The following NWD2 variants were observed in gnomAD, a reference collection of about 807,000 sequenced individuals.
NWD2 encodes the protein NACHT and WD repeat domain-containing protein 2.
A neutral mutation model predicts 132.7 loss-of-function variants in NWD2; 37 were observed. That is an observed-to-expected ratio of 0.28 (90% confidence interval 0.21 to 0.37). The LOEUF is 0.37. Ranked by LOEUF, NWD2 falls within the 10% of genes least tolerant of loss-of-function variation. The pLI is 1.00. For synonymous variants in NWD2, 705 were observed against 803.0 expected (o/e 0.88, Z 2.06); for missense variants, 1,592 against 2,122.4 (o/e 0.75, Z 4.91).
chr4:37,397,421 A>C (rs973929893), intron 3 of NWD2, among the ~76,000 whole-genome samples: 2 of 152,188 alleles, frequency 1.3e-5, no homozygotes, highest in African/African-American at 2.4e-5. Flanking sequence ...ACCCTCCATC[A>C]TGTGGATGGG....
At chr4:37,340,679 G>A (rs1719502268) in intron 2 of NWD2, among the ~76,000 whole-genome samples, 1 of 152,188 alleles carries the variant, frequency 6.6e-6, no homozygotes, top group African/African-American at 2.4e-5. Flanking sequence ...GGCAGTGGGA[G>A]ATGGCTAGGT....
At chr4:37,277,309 T>C (rs1226741558) in intron 1 of NWD2, among the ~76,000 whole-genome samples, 2 of 152,042 alleles carry the variant, frequency 1.3e-5, no homozygotes, top group African/African-American at 2.4e-5. Flanking sequence ...CACAAATTAA[T>C]TTTTCATCAA....
chr4:37,319,011 G>C (rs1320862894), intron 1 of NWD2, among the ~76,000 whole-genome samples: 1 of 152,044 alleles, frequency 6.6e-6, no homozygotes, highest in Non-Finnish European at 1.5e-5. Context: ...GGGATTGCTG[G>C]GTCAAATGGT....
chr4:37,253,004 C>T (rs940099642), intron 1 of NWD2, among the ~76,000 whole-genome samples: 1 of 142,562 alleles, frequency 7.0e-6, no homozygotes, highest in Admixed American at 6.8e-5. Flanking sequence ...TACCACAACC[C>T]CCCCCCCTTA....
chr4:37,256,384 A>T (rs1007916308), intron 1 of NWD2, among the ~76,000 whole-genome samples: 1 of 152,252 alleles, frequency 6.6e-6, no homozygotes, highest in African/African-American at 2.4e-5. Flanking sequence ...TGGTAAAATC[A>T]CAGCTTTCTA....
chr4:37,296,011 A>C (rs1057347293), intron 1 of NWD2, among the ~76,000 whole-genome samples: 3 of 152,224 alleles, frequency 2.0e-5, no homozygotes, highest in Non-Finnish European at 4.4e-5. Context: ...GTAAAATTTG[A>C]GTCCCCTGAC....
At chr4:37,369,477 A>C (rs944418330) in intron 3 of NWD2, among the ~76,000 whole-genome samples, 26 of 152,196 alleles carry the variant, frequency 1.7e-4, no homozygotes, top group Admixed American at 2.6e-4. Flanking sequence ...AAGTGAGAAC[A>C]TGTGGTATTT....
At chr4:37,270,911 G>T (rs533582456) in intron 1 of NWD2, among the ~76,000 whole-genome samples, 2 of 151,854 alleles carry the variant, frequency 1.3e-5, no homozygotes, top group South Asian at 4.1e-4. Flanking sequence ...AGTTTGAGTG[G>T]ATTTTTGCAT....
intron 1 of NWD2, among the ~76,000 whole-genome samples, chr4:37,310,493 A>T (rs1718812461): frequency 6.6e-6 from 1 of 152,202 alleles, no homozygotes; most frequent in African/African-American, 2.4e-5. Flanking sequence ...TTGATAGAAA[A>T]AAAATAATTT....
At chr4:37,432,401 T>A (rs1384629240) in intron 4 of NWD2, among the ~76,000 whole-genome samples, 1 of 151,346 alleles carries the variant, frequency 6.6e-6, no homozygotes, top group Admixed American at 6.6e-5. Flanking sequence ...ATTGATCACG[T>A]GAAACTGATC....
chr4:37,354,030 G>A (rs1719822984), intron 2 of NWD2, among the ~76,000 whole-genome samples: 1 of 152,004 alleles, frequency 6.6e-6, no homozygotes, highest in Admixed American at 6.6e-5. Context: ...TGGGGTGTGT[G>A]GACATCCTTT....
intron 2 of NWD2, among the ~76,000 whole-genome samples, chr4:37,349,875 A>T (rs954894058): frequency 3.3e-5 from 5 of 152,198 alleles, no homozygotes; most frequent in Non-Finnish European, 7.3e-5. Flanking sequence ...AGTTATAAGG[A>T]AGGGATCCAG....
At chr4:37,264,579 C>T (rs780497286) in intron 1 of NWD2, among the ~76,000 whole-genome samples, 5 of 151,930 alleles carry the variant, frequency 3.3e-5, no homozygotes, top group Non-Finnish European at 7.4e-5. Flanking sequence ...AAGGCAATAG[C>T]GCTATAAAAT....
chr4:37,405,001 A>G lies in NWD2; in HGVS notation c.358-25571A>G, dbSNP rs1720968227. Among the ~76,000 whole-genome samples, 4 of 152,318 alleles carry G rather than the reference A, an allele frequency of 2.6e-5. No individual in the cohort carries two copies. In the South Asian group the frequency reaches 8.3e-4, roughly 32 times the overall value. On this transcript the variant is annotated intron_variant, in intron 3 of 6. Transcript: ENST00000309447. ...CCAATACTGGGGATTACAACTGAAC[A>G]TGAGATTTGTGTAGGGACACAGATC...
chr4:37,304,160 C>T (rs1229579651), intron 1 of NWD2, among the ~76,000 whole-genome samples: 1 of 152,170 alleles, frequency 6.6e-6, no homozygotes, highest in Non-Finnish European at 1.5e-5. Context: ...AAAGGGAAAG[C>T]AGGCACTTCA....
At chr4:37,307,021 CA>C (rs749143872) in intron 1 of NWD2, among the ~76,000 whole-genome samples, 11,074 of 104,114 alleles carry the variant, frequency 0.11, 1,029 homozygotes, top group African/African-American at 0.29. Flanking sequence ...GAGACTCCAT[CA>C]AAAAAAAAAA....
At chr4:37,335,890 C>G (rs750788253) in intron 2 of NWD2, among the ~76,000 whole-genome samples, 6 of 148,594 alleles carry the variant, frequency 4.0e-5, no homozygotes, top group South Asian at 2.2e-4. Flanking sequence ...GGTGGTTGAT[C>G]GATTTCAATT....
intron 2 of NWD2, among the ~76,000 whole-genome samples, chr4:37,353,924 C>T (rs1478506026): frequency 6.6e-6 from 1 of 151,536 alleles, no homozygotes; most frequent in Admixed American, 6.6e-5. Context: ...GGAGAAGAGG[C>T]GTTCAGTTTT....
In NWD2 at chr4:37,367,155, A is replaced by G. The variant is rs549218225; in HGVS notation, c.357+10673A>G. Among the ~76,000 whole-genome samples the G allele has an allele frequency of 8.5e-5, 13 of 152,288 alleles. No individual in the cohort carries two copies. The South Asian group carries it at 2.7e-3, about 32-fold the overall frequency. The stretch of plus-strand genomic sequence containing the variant: ...AAACTTGTGCTCTGACCTCGGTGGA[A>G]TTAAAAACTGAAAAATAACTGAAAG... On this transcript the variant is annotated intron_variant, in intron 3 of 6. Coordinates refer to ENST00000309447, the MANE Select transcript of NWD2 (RefSeq NM_001144990.2).
Sources: gnomAD v4.1 joint callset for allele counts (sites outside exome capture counted in the v4.1 genomes callset) on GRCh38, gnomAD v4.1.1 for gene constraint, MANE v1.5 for transcripts, NCBI Gene and HGNC (gene_info 2026-07-23, HGNC 2026-07-21) for gene names.